The following GMDS variants were observed in gnomAD, a reference collection of about 807,000 sequenced individuals.
GMDS encodes the protein GDP-mannose 4,6-dehydratase, also known as GDP-mannose 4,6 dehydratase.
GMDS carries 20 observed loss-of-function variants against 49.9 expected under a neutral mutation model. The ratio of observed to expected loss-of-function variants is 0.40; its 90% CI spans 0.28 to 0.58. GMDS has a LOEUF of 0.58. Among genes scored for constraint, GMDS ranks in the 20% least tolerant of loss-of-function variants. GMDS has a pLI of 0.42. For missense variants in GMDS, 362 were observed against 481.4 expected, an observed-to-expected ratio of 0.75 and a Z score of 2.32; for synonymous variants, 177 against 178.6, an observed-to-expected ratio of 0.99 and a Z score of 0.07.
At chr6:1,963,301 C>T (rs1764073110) in intron 4 of GMDS, among the ~76,000 whole-genome samples, 1 of 152,186 alleles carries the variant, frequency 6.6e-6, no homozygotes, top group Non-Finnish European at 1.5e-5. Flanking sequence ...TCTCCTACCT[C>T]AGCCTCTTGC....
At chr6:1,642,788 G>A (rs534033624) in intron 9 of GMDS, among the ~76,000 whole-genome samples, 1 of 152,326 alleles carries the variant, frequency 6.6e-6, no homozygotes, top group South Asian at 2.1e-4. Flanking sequence ...GGCAAGCTGG[G>A]CCTGGACGGT....
intron 1 of GMDS, among the ~76,000 whole-genome samples, chr6:2,127,424 A>T (rs1775509718): frequency 6.6e-6 from 1 of 151,346 alleles, no homozygotes; most frequent in African/African-American, 2.4e-5. Flanking sequence ...AAAAAAAGCC[A>T]GAGGTAAACG....
At chr6:1,991,753 C>T (rs191382662) in intron 4 of GMDS, among the ~76,000 whole-genome samples, 230 of 152,248 alleles carry the variant, frequency 1.5e-3, no homozygotes, top group African/African-American at 5.4e-3. Flanking sequence ...AGTCCTAATC[C>T]CTGGCAACTC....
chr6:2,172,145 T>C (rs996811975), intron 1 of GMDS, among the ~76,000 whole-genome samples: 2 of 152,202 alleles, frequency 1.3e-5, no homozygotes, highest in African/African-American at 4.8e-5. Flanking sequence ...TTATCTTTTA[T>C]GATGATCATC....
chr6:1,667,505 T>G (rs1304582564), intron 9 of GMDS, among the ~76,000 whole-genome samples: 1 of 152,220 alleles, frequency 6.6e-6, no homozygotes, highest in Non-Finnish European at 1.5e-5. Context: ...AGAAGCTGAC[T>G]AAGCCTAAAC....
At chr6:2,112,352 A>G (rs1287980303) in intron 4 of GMDS, among the ~76,000 whole-genome samples, 1 of 152,202 alleles carries the variant, frequency 6.6e-6, no homozygotes, top group African/African-American at 2.4e-5. Context: ...AAACCTATAT[A>G]TTAAAGGCAA....
intron 7 of GMDS, among the ~76,000 whole-genome samples, chr6:1,876,809 A>C (rs750949661): frequency 1.2e-4 from 18 of 152,194 alleles, no homozygotes; most frequent in Admixed American, 2.6e-4. Context: ...TTTGATTTCT[A>C]GTAAAAAATA....
chr6:1,916,550 G>A (rs918353522), intron 7 of GMDS, among the ~76,000 whole-genome samples: 11 of 151,864 alleles, frequency 7.2e-5, no homozygotes, highest in Non-Finnish European at 1.5e-4. Context: ...AAGAGAGAGA[G>A]ACGAAAAAGG....
chr6:2,241,618 C>G (rs953458986), intron 1 of GMDS, among the ~76,000 whole-genome samples: 77 of 152,182 alleles, frequency 5.1e-4, no homozygotes, highest in African/African-American at 1.8e-3. Context: ...TATTAGCTCC[C>G]GCTAGAGCCG....
At chr6:1,873,727 A>T (rs751480950) in intron 7 of GMDS, among the ~76,000 whole-genome samples, 1 of 152,222 alleles carries the variant, frequency 6.6e-6, no homozygotes, top group Non-Finnish European at 1.5e-5. Flanking sequence ...TGTGATTTCA[A>T]GTACTTCAGT....
chr6:1,957,300 T>C (rs1362710450), intron 6 of GMDS, among the ~76,000 whole-genome samples: 2 of 152,216 alleles, frequency 1.3e-5, no homozygotes, highest in Non-Finnish European at 2.9e-5. Context: ...AGGCATTGCC[T>C]GGAAGCTGGA....
chr6:1,726,275 C>G, intron 9 of GMDS, 141 bp downstream of exon 9: 1 of 643,094 alleles, frequency 1.6e-6, no homozygotes, highest in South Asian at 1.8e-5. Context: ...TCACTGTGTT[C>G]TGATTTTGGA....
intron 2 of GMDS, among the ~76,000 whole-genome samples, chr6:2,117,774 G>C (rs1384646826): frequency 1.3e-5 from 2 of 152,124 alleles, no homozygotes; most frequent in African/African-American, 4.8e-5. Context: ...CTCAACAAAC[G>C]TAATCAGGTA....
chr6:1,710,268 T>C (rs908789127), intron 9 of GMDS, among the ~76,000 whole-genome samples: 8 of 152,234 alleles, frequency 5.3e-5, no homozygotes, highest in African/African-American at 1.9e-4. Flanking sequence ...TTTGTGTATG[T>C]GTATATTCCT....
intron 4 of GMDS, among the ~76,000 whole-genome samples, chr6:2,075,827 G>C (rs1006646574): frequency 6.6e-6 from 1 of 152,176 alleles, no homozygotes; most frequent in Non-Finnish European, 1.5e-5. Flanking sequence ...CTGAGGGATC[G>C]CCACACTGAC....
chr6:2,096,716 G>A (rs1481655815), intron 4 of GMDS, among the ~76,000 whole-genome samples: 1 of 152,152 alleles, frequency 6.6e-6, no homozygotes, highest in African/African-American at 2.4e-5. Flanking sequence ...TCACTAGCTT[G>A]GGGTCAGTGA....
At chr6:2,212,994 C>G (rs1780143586) in intron 1 of GMDS, among the ~76,000 whole-genome samples, 1 of 152,190 alleles carries the variant, frequency 6.6e-6, no homozygotes, top group South Asian at 2.1e-4. Flanking sequence ...TAAGGTTACT[C>G]CCTTTCTAGG....
intron 4 of GMDS, among the ~76,000 whole-genome samples, chr6:2,101,662 A>G (rs1405985534): frequency 2.0e-5 from 3 of 152,128 alleles, no homozygotes; most frequent in Non-Finnish European, 2.9e-5. Flanking sequence ...TCTAAAATAA[A>G]GACACAAACT....
At chr6:2,107,590 G>A (rs140470937) in intron 4 of GMDS, among the ~76,000 whole-genome samples, 9 of 152,302 alleles carry the variant, frequency 5.9e-5, no homozygotes, top group African/African-American at 1.9e-4. Context: ...AAGTTATCAC[G>A]GGGGCTGTGT....
Sources: allele counts gnomAD v4.1 joint callset (sites outside exome capture counted in the v4.1 genomes callset), GRCh38; gene constraint gnomAD v4.1.1; transcripts MANE v1.5; gene names NCBI Gene and HGNC (gene_info 2026-07-23, HGNC 2026-07-21).